AGBL1: variants seen among roughly 807,000 people sequenced by gnomAD.
AGBL1 encodes AGBL carboxypeptidase 1, also known as cytosolic carboxypeptidase 4.
A neutral mutation model predicts 118.9 loss-of-function variants in AGBL1; 130 were observed. That is an observed-to-expected ratio of 1.09 (90% CI 0.95 to 1.26). The LOEUF (loss-of-function observed/expected upper bound fraction) is 1.26. Ranked by LOEUF, AGBL1 falls within the 50% of genes most tolerant of loss-of-function variation. The pLI, the probability that AGBL1 is intolerant of heterozygous loss-of-function variation, is 0.00. For synonymous variants in AGBL1, 555 were observed against 478.9 expected, an observed-to-expected ratio of 1.16 and a Z score of -2.08; for missense variants, 1,584 against 1,298.1, an observed-to-expected ratio of 1.22 and a Z score of -3.38.
At chr15:86,128,986 A>G (rs1028131628) in intron 1 of AGBL1, among the ~76,000 whole-genome samples, 3 of 152,208 alleles carry the variant, frequency 2.0e-5, no homozygotes, top group Non-Finnish European at 2.9e-5. Context: ...AATGAAGCCA[A>G]TCATGGATAA....
intron 24 of AGBL1, among the ~76,000 whole-genome samples, chr15:87,023,740 A>T (rs117358666): frequency 0.029 from 4,369 of 152,178 alleles, 86 homozygotes; most frequent in Middle Eastern, 0.058. Flanking sequence ...AGACCACAAA[A>T]TGAGCTTCAA....
intron 22 of AGBL1, among the ~76,000 whole-genome samples, chr15:86,697,703 C>A (rs2086286137): frequency 6.6e-6 from 1 of 151,894 alleles, no homozygotes; most frequent in Admixed American, 6.6e-5. Context: ...GGTTCCTTTT[C>A]ATTTGGGTGG....
intron 17 of AGBL1, among the ~76,000 whole-genome samples, chr15:86,373,292 C>G (rs993002868): frequency 3.3e-5 from 5 of 152,002 alleles, no homozygotes; most frequent in African/African-American, 4.8e-5. Flanking sequence ...ATTACTTTCC[C>G]CCGGAAGAAG....
intron 21 of AGBL1, among the ~76,000 whole-genome samples, chr15:86,672,389 C>T (rs983363776): frequency 6.6e-6 from 1 of 152,206 alleles, no homozygotes; most frequent in Admixed American, 6.5e-5. Flanking sequence ...CCCTAACCTA[C>T]CAGTATGGCA....
intron 18 of AGBL1, among the ~76,000 whole-genome samples, chr15:86,494,189 T>G: frequency 6.6e-6 from 1 of 152,222 alleles, no homozygotes; most frequent in South Asian, 2.1e-4. Context: ...AAAGTGATTC[T>G]AATCTATCTA....
At chr15:86,191,495 T>A (rs1162212449) in intron 5 of AGBL1, among the ~76,000 whole-genome samples, 1 of 151,988 alleles carries the variant, frequency 6.6e-6, no homozygotes, top group African/African-American at 2.4e-5. Flanking sequence ...ATGATAGCCC[T>A]GAATGTAGAA....
chr15:86,428,958 C>T (rs1216295353), intron 18 of AGBL1, among the ~76,000 whole-genome samples: 1 of 152,188 alleles, frequency 6.6e-6, no homozygotes, highest in African/African-American at 2.4e-5. Context: ...GAGGTGGTGT[C>T]TTTGGGACCA....
intron 22 of AGBL1, among the ~76,000 whole-genome samples, chr15:86,840,837 A>T (rs148787565): frequency 2.8e-4 from 43 of 152,242 alleles, no homozygotes; most frequent in Non-Finnish European, 5.7e-4. Flanking sequence ...TGAATTAACT[A>T]TGCCCCAGTT....
chr15:86,249,201 C>A (rs1167214207), intron 7 of AGBL1, among the ~76,000 whole-genome samples: 3 of 152,134 alleles, frequency 2.0e-5, no homozygotes, highest in African/African-American at 7.2e-5. Context: ...CCAAGGCAGC[C>A]ATGTTGCACA....
chr15:86,454,872 T>C (rs1335031113), intron 18 of AGBL1, among the ~76,000 whole-genome samples: 3 of 152,184 alleles, frequency 2.0e-5, no homozygotes, highest in South Asian at 2.1e-4. Context: ...TGCATTTTGT[T>C]GTATGTAAAT....
At chr15:86,921,425 G>A (rs1342458984) in intron 23 of AGBL1, among the ~76,000 whole-genome samples, 1 of 152,166 alleles carries the variant, frequency 6.6e-6, no homozygotes, top group Non-Finnish European at 1.5e-5. Context: ...CATACGTTAA[G>A]ATGTAATTTT....
chr15:86,340,751 G>A (rs2080449504), intron 17 of AGBL1, among the ~76,000 whole-genome samples: 1 of 152,150 alleles, frequency 6.6e-6, no homozygotes, highest in Non-Finnish European at 1.5e-5. Flanking sequence ...GGAAGGGTGG[G>A]GATGCCACGG....
chr15:86,717,905 C>G (rs1435697609), intron 22 of AGBL1, among the ~76,000 whole-genome samples: 1 of 152,026 alleles, frequency 6.6e-6, no homozygotes, highest in East Asian at 1.9e-4. Context: ...TGGTGAAACC[C>G]CGTCTCTACT....
At position 86,257,004 on chromosome 15, in the gene AGBL1, A is replaced by G. The variant is rs779647718; in HGVS notation, c.887A>G (p.His296Arg). 1.5e-5 allele frequency: 24 copies of G among 1,613,738 alleles called. No individual in the cohort carries two copies. The South Asian group carries it at 1.5e-4, about 10-fold the overall frequency. Residue 296 changes from histidine to arginine, a missense_variant, in exon 8 of 23, where the codon CAT becomes CGT. His to Arg is a conservative substitution (Grantham distance 29, BLOSUM62 0). Coordinates refer to ENST00000614907, the MANE Select transcript of AGBL1 (RefSeq NM_001386094.1). The stretch of plus-strand genomic sequence containing the variant: ...GGGTGCATCACCACTGAACCTCCAC[A>G]TGATCTACCTGAAGGTAAAATAAGT... The part of the protein sequence containing the change: ...VPGCITTEPP[H>R]DLPEEDFEDD...
intron 22 of AGBL1, among the ~76,000 whole-genome samples, chr15:86,839,372 T>C (rs982134412): frequency 3.9e-5 from 6 of 152,208 alleles, no homozygotes; most frequent in African/African-American, 1.4e-4. Flanking sequence ...TTCTTACTGC[T>C]CTCTGCCATA....
chr15:86,337,176 A>G lies in AGBL1; in HGVS notation c.2374+41768A>G, dbSNP rs1182175454. 7.2e-5 allele frequency among the ~76,000 whole-genome samples: 11 copies of G among 152,338 alleles called. No individual in the cohort carries two copies. In the East Asian group the frequency reaches 2.1e-3, roughly 29 times the overall value. ...CTAATAATGTGCACAGAATTACACT[A>G]GTACACTTTTTGTAAACTGAGTTGC... is the stretch of plus-strand genomic sequence containing the variant. On this transcript the variant is annotated intron_variant, in intron 17 of 22. Coordinates refer to ENST00000614907, the MANE Select transcript of AGBL1 (RefSeq NM_001386094.1).
intron 23 of AGBL1, among the ~76,000 whole-genome samples, chr15:86,965,277 A>G (rs2081037808): frequency 6.6e-6 from 1 of 152,112 alleles, no homozygotes. Context: ...ATTTCTCCAC[A>G]TCCTCTCCAG....
intron 22 of AGBL1, among the ~76,000 whole-genome samples, chr15:86,892,073 A>G (rs1442234174): frequency 6.6e-6 from 1 of 152,168 alleles, no homozygotes; most frequent in Non-Finnish European, 1.5e-5. Context: ...ATAAGTTATG[A>G]GAACTTAAGA....
At chr15:86,610,486 G>A (rs2084640840) in intron 21 of AGBL1, among the ~76,000 whole-genome samples, 1 of 152,122 alleles carries the variant, frequency 6.6e-6, no homozygotes, top group Admixed American at 6.6e-5. Flanking sequence ...ATGTACTTTG[G>A]GCGACAGCTA....
Sources: gnomAD v4.1 joint callset for allele counts (sites outside exome capture counted in the v4.1 genomes callset) on GRCh38, gnomAD v4.1.1 for gene constraint, MANE v1.5 for transcripts, NCBI Gene and HGNC (gene_info 2026-07-23, HGNC 2026-07-21) for gene names.